ERC1: variants seen among roughly 807,000 people sequenced by gnomAD.
The protein encoded by ERC1 is RAB6 interacting protein 2.
Under a neutral mutation model 132.0 loss-of-function variants are expected in ERC1, and 56 were observed. The observed-to-expected ratio is 0.42, with a 90% CI of 0.34 to 0.53. The LOEUF (loss-of-function observed/expected upper bound fraction) is 0.53. ERC1 is among the 20% of genes least tolerant of loss of function. The probability of loss-of-function intolerance (pLI) is 0.03; values close to 1 mark genes in which losing one functional copy is unlikely to be tolerated. For missense variants in ERC1, 1,202 were observed against 1,349.9 expected (o/e 0.89, Z 1.72); for synonymous variants, 478 against 476.1 (o/e 1.00, Z -0.05).
intron 2 of ERC1, among the ~76,000 whole-genome samples, chr12:1,043,859 T>C (rs12827694): frequency 0.32 from 48,753 of 152,114 alleles, 8,080 homozygotes; most frequent in African/African-American, 0.38. Context: ...TGCTACTGTC[T>C]CTTTAGCTTC....
At chr12:1,182,857 G>C (rs938162478) in intron 10 of ERC1, among the ~76,000 whole-genome samples, 3 of 152,086 alleles carry the variant, frequency 2.0e-5, no homozygotes, top group Non-Finnish European at 4.4e-5. Context: ...TGTGAAGACA[G>C]GGTCTTGCTA....
At chr12:1,128,436 T>A (rs917403574) in intron 7 of ERC1, among the ~76,000 whole-genome samples, 1 of 152,196 alleles carries the variant, frequency 6.6e-6, no homozygotes, top group African/African-American at 2.4e-5. Context: ...AACCTCCTTA[T>A]GTTGCCCATG....
chr12:1,134,985 T>A (rs906968209), intron 7 of ERC1, among the ~76,000 whole-genome samples: 3 of 152,114 alleles, frequency 2.0e-5, no homozygotes, highest in Non-Finnish European at 4.4e-5. Flanking sequence ...ACCTTGGTCT[T>A]CCAAAGTGCT....
chr12:1,098,888 G>A lies in ERC1; in HGVS notation c.1087-5862G>A, dbSNP rs954883671. 3.3e-5 allele frequency among the ~76,000 whole-genome samples: 5 copies of A among 152,198 alleles called. No individual in the cohort carries two copies. The South Asian group carries it at 1.0e-3, about 31-fold the overall frequency. On this transcript the variant is annotated intron_variant, in intron 3 of 18. Transcript: ENST00000360905. ...TGGTCACTGGTCTAATTTAGACCTGGAGGTCTGATTTAGAAGGAAGAACCT... is the reference window on the plus strand; with the variant it reads ...TGGTCACTGGTCTAATTTAGACCTGAAGGTCTGATTTAGAAGGAAGAACCT...
intron 13 of ERC1, among the ~76,000 whole-genome samples, chr12:1,252,436 T>C (rs2076528274): frequency 6.6e-6 from 1 of 152,176 alleles, no homozygotes; most frequent in Admixed American, 6.6e-5. Context: ...TGTCCTAGGA[T>C]TAGGTAAACT....
chr12:1,297,669 T>C lies in ERC1; in HGVS notation c.2780+7657T>C, dbSNP rs1464637198. Among the ~76,000 whole-genome samples, 4 of 142,314 alleles carry C rather than the reference T, an allele frequency of 2.8e-5. No individual in the cohort carries two copies. In the East Asian group the frequency reaches 8.1e-4, roughly 29 times the overall value. 93.4% of individuals were successfully genotyped at this position (142,314 alleles called of 152,430 possible). Reference sequence around the variant, plus strand: ...CTGTAGTAAGCCAAGATCACACCACTGCACTCCAGCCTGGGTGATAGAGTG... The same window carrying C: ...CTGTAGTAAGCCAAGATCACACCACCGCACTCCAGCCTGGGTGATAGAGTG... On this transcript the variant is annotated intron_variant, in intron 15 of 18. Coordinates refer to ENST00000360905, the MANE Select transcript of ERC1 (RefSeq NM_178040.4).
rs143538415 is a variant in ERC1 at position 1,164,365 on chromosome 12, C to T, written c.1738-16175C>T. 7.2e-4 allele frequency among the ~76,000 whole-genome samples: 109 copies of T among 150,620 alleles called. No homozygotes were observed. The East Asian group carries it at 0.016, about 22-fold the overall frequency. The stretch of plus-strand genomic sequence containing the variant: ...ATTTTATGTTATTTTATTTTTGAGA[C>T]GGAGTCTCGCTCTGTTGCCCAGCCT... On this transcript the variant is annotated intron_variant, in intron 8 of 18. Transcript: ENST00000360905.
chr12:1,486,081 C>A (rs576078712), intron 18 of ERC1, among the ~76,000 whole-genome samples: 1 of 152,240 alleles, frequency 6.6e-6, no homozygotes, highest in African/African-American at 2.4e-5. Context: ...CAACCCAACA[C>A]TCTTCTAATT....
intron 14 of ERC1, among the ~76,000 whole-genome samples, chr12:1,276,437 G>A (rs749347005): frequency 1.1e-4 from 16 of 151,804 alleles, no homozygotes; most frequent in South Asian, 2.1e-4. Flanking sequence ...ACGGGGTTTC[G>A]CTATGTTGAC....
chr12:1,091,256 G>T (rs965383904), intron 3 of ERC1, among the ~76,000 whole-genome samples: 1 of 152,154 alleles, frequency 6.6e-6, no homozygotes, highest in Non-Finnish European at 1.5e-5. Flanking sequence ...ATGGAATGCT[G>T]TGCATCAGCA....
chr12:1,324,962 C>T (rs1436132101), intron 15 of ERC1, among the ~76,000 whole-genome samples: 5 of 152,078 alleles, frequency 3.3e-5, no homozygotes, highest in Non-Finnish European at 5.9e-5. Flanking sequence ...ACTTAATGTA[C>T]AAAATGTTTT....
intron 15 of ERC1, among the ~76,000 whole-genome samples, chr12:1,313,606 T>G (rs2081471263): frequency 2.0e-5 from 3 of 151,992 alleles, no homozygotes; most frequent in Admixed American, 2.0e-4. Flanking sequence ...TACAAAAAAT[T>G]GAAAAAAATA....
chr12:1,040,578 T>G (rs1417391215), intron 2 of ERC1, among the ~76,000 whole-genome samples: 1 of 152,132 alleles, frequency 6.6e-6, no homozygotes, highest in East Asian at 1.9e-4. Context: ...AGTGCTGGGT[T>G]TACAGGCGTG....
chr12:1,416,288 A>G (rs1386442008), intron 17 of ERC1, among the ~76,000 whole-genome samples: 3 of 152,240 alleles, frequency 2.0e-5, no homozygotes, highest in East Asian at 1.9e-4. Context: ...ATTTGGAACT[A>G]TAGAAGGGAG....
In ERC1 at chr12:1,184,792, G is replaced by A. The variant is rs142506861; in HGVS notation, c.2157+1371G>A. On this transcript the variant is annotated intron_variant, in intron 11 of 18. Coordinates refer to ENST00000360905, the MANE Select transcript of ERC1 (RefSeq NM_178040.4). ...TTTAGAGACAGGGTCTTGCTCTGTC[G>A]TCCAGGCTGGAGTGCAGTGGCGTAA... Among the ~76,000 whole-genome samples the A allele has an allele frequency of 1.2e-3, 176 of 152,072 alleles. No individual in the cohort carries two copies. In the South Asian group the frequency reaches 0.014, roughly 12 times the overall value.
chr12:1,260,460 AAG>A (rs2077071946), intron 13 of ERC1, among the ~76,000 whole-genome samples: 1 of 152,226 alleles, frequency 6.6e-6, no homozygotes, highest in Admixed American at 6.5e-5. Flanking sequence ...GAGGACAAGA[AAG>A]AGTGATTATA....
At chr12:1,288,558 T>C (rs2079193859) in intron 14 of ERC1, among the ~76,000 whole-genome samples, 2 of 152,254 alleles carry the variant, frequency 1.3e-5, no homozygotes, top group Admixed American at 1.3e-4. Context: ...TTAACAGCTG[T>C]TACCAATCAA....
intron 1 of ERC1, among the ~76,000 whole-genome samples, chr12:1,009,299 C>T (rs1480570448): frequency 1.3e-5 from 2 of 151,872 alleles, no homozygotes; most frequent in African/African-American, 2.4e-5. Context: ...CTCAGCCTCC[C>T]GAGTAGCTGG....
At chr12:1,213,228 G>T (rs1482736825) in intron 12 of ERC1, among the ~76,000 whole-genome samples, 1 of 151,996 alleles carries the variant, frequency 6.6e-6, no homozygotes, top group African/African-American at 2.4e-5. Context: ...ACATAAAGAG[G>T]GAAAAACCCC....
Sources: allele counts gnomAD v4.1 joint callset (sites outside exome capture counted in the v4.1 genomes callset), GRCh38; gene constraint gnomAD v4.1.1; transcripts MANE v1.5; gene names NCBI Gene and HGNC (gene_info 2026-07-23, HGNC 2026-07-21).